GLMN: variants seen among roughly 807,000 people sequenced by gnomAD.
GLMN encodes glomulin.
A neutral mutation model predicts 87.8 loss-of-function variants in GLMN; 75 were observed. The ratio of observed to expected loss-of-function variants is 0.85; its 90% CI spans 0.71 to 1.04. GLMN has a LOEUF of 1.04. GLMN is among the 50% of genes least tolerant of loss of function. The pLI, the probability that GLMN is intolerant of heterozygous loss-of-function variation, is 0.00. For synonymous variants in GLMN, 206 were observed against 221.6 expected (o/e 0.93, Z 0.63); for missense variants, 588 against 658.8 (o/e 0.89, Z 1.18).
At chr1:92,293,031 T>C (rs976681664) in intron 3 of GLMN, among the ~76,000 whole-genome samples, 17 of 151,558 alleles carry the variant, frequency 1.1e-4, no homozygotes, top group African/African-American at 4.1e-4. Flanking sequence ...CAAAAAAATA[T>C]ATAAATAATG....
At chr1:92,359,845 C>G in the GLMN span, among the ~76,000 whole-genome samples, 5 of 152,230 alleles carry the variant, frequency 3.3e-5, no homozygotes, top group African/African-American at 1.2e-4. Flanking sequence ...TGGGACAGAA[C>G]TTTGTGGGAC....
the GLMN span, among the ~76,000 whole-genome samples, chr1:92,305,540 A>ATTTCTATATTAAAATGTAAAACT: frequency 1.3e-5 from 2 of 151,460 alleles, no homozygotes; most frequent in Non-Finnish European, 2.9e-5. Flanking sequence ...ACTGATAAAC[A>ATTTCTATATTAAAATGTAAAACT]TTTCTATATT....
the GLMN span, among the ~76,000 whole-genome samples, chr1:92,354,431 C>G: frequency 1.3e-5 from 2 of 152,174 alleles, no homozygotes; most frequent in Non-Finnish European, 2.9e-5. Flanking sequence ...CTGTCACAAA[C>G]AGGAATTAGA....
At chr1:92,306,069 A>G in the GLMN span, among the ~76,000 whole-genome samples, 2 of 152,236 alleles carry the variant, frequency 1.3e-5, no homozygotes, top group African/African-American at 4.8e-5. Flanking sequence ...ATTCTGACAC[A>G]TGCTACAAGG....
chr1:92,284,358 C>G (rs1381796918), intron 7 of GLMN, among the ~76,000 whole-genome samples: 1 of 152,116 alleles, frequency 6.6e-6, no homozygotes, highest in Non-Finnish European at 1.5e-5. Flanking sequence ...CTGACAAAAA[C>G]AAGCAATGGG....
the GLMN span, among the ~76,000 whole-genome samples, chr1:92,316,426 A>G: frequency 5.3e-5 from 8 of 152,208 alleles, no homozygotes; most frequent in Non-Finnish European, 7.3e-5. Context: ...TGGTTTACAT[A>G]TAACATACAT....
chr1:92,272,216 G>C (rs1277351888), intron 7 of GLMN, among the ~76,000 whole-genome samples: 1 of 152,196 alleles, frequency 6.6e-6, no homozygotes, highest in Non-Finnish European at 1.5e-5. Flanking sequence ...TAAGACTACA[G>C]ACCCAGTCAA....
At chr1:92,318,608 A>G in the GLMN span, among the ~76,000 whole-genome samples, 1 of 152,160 alleles carries the variant, frequency 6.6e-6, no homozygotes, top group Non-Finnish European at 1.5e-5. Flanking sequence ...ATCCAGCAGA[A>G]ACTCCTTCAA....
chr1:92,297,563 A>C (rs777569701), intron 2 of GLMN, 34 bp from the exon 3 acceptor site: 40 of 1,502,564 alleles, frequency 2.7e-5, no homozygotes, highest in Non-Finnish European at 3.5e-5. Flanking sequence ...AAAAACAAAC[A>C]AAAAAAAGTA....
chr1:92,323,784 T>C, the GLMN span: 1 of 1,613,984 alleles, frequency 6.2e-7, no homozygotes, highest in Non-Finnish European at 8.5e-7. Flanking sequence ...ATGCTACATG[T>C]GAACTTCCTT....
chr1:92,298,133 TG>T, intron 1 of GLMN, 104 bp from the exon 2 acceptor site: 1 of 640,386 alleles, frequency 1.6e-6, no homozygotes, highest in Admixed American at 2.8e-5. Flanking sequence ...ATAAAGAAAA[TG>T]GAAAGTTTTT....
intron 3 of GLMN, among the ~76,000 whole-genome samples, chr1:92,294,493 C>G (rs1649798319): frequency 6.6e-6 from 1 of 152,114 alleles, no homozygotes; most frequent in African/African-American, 2.4e-5. Flanking sequence ...ATGAGATTAA[C>G]AATAACTACA....
the GLMN span, among the ~76,000 whole-genome samples, chr1:92,325,405 C>T: frequency 1.3e-5 from 2 of 152,064 alleles, no homozygotes; most frequent in African/African-American, 4.8e-5. Flanking sequence ...TCTTATTAGA[C>T]ATCATCCAAA....
chr1:92,299,149 A>G (rs1375954947), upstream of GLMN: 5 of 1,503,328 alleles, frequency 3.3e-6, no homozygotes, highest in East Asian at 2.6e-5. Context: ...AGCCGCAGGT[A>G]GGAGCAAGGA....
intron 16 of GLMN, among the ~76,000 whole-genome samples, chr1:92,250,571 T>A (rs1367861689): frequency 3.9e-5 from 6 of 152,228 alleles, no homozygotes; most frequent in African/African-American, 1.4e-4. Flanking sequence ...TTGCCATGAC[T>A]CTCAGTAAAA....
At chr1:92,335,405 T>A in the GLMN span, among the ~76,000 whole-genome samples, 1 of 152,128 alleles carries the variant, frequency 6.6e-6, no homozygotes, top group Non-Finnish European at 1.5e-5. Context: ...AAAAATAAAG[T>A]AACACATACT....
chr1:92,331,641 G>A, the GLMN span, among the ~76,000 whole-genome samples: 381 of 152,122 alleles, frequency 2.5e-3, 3 homozygotes, highest in South Asian at 8.9e-3. Context: ...CTTATGTTCT[G>A]TTATTGGATA....
At chr1:92,262,037 G>C (rs938610204) in intron 16 of GLMN, among the ~76,000 whole-genome samples, 8 of 152,170 alleles carry the variant, frequency 5.3e-5, no homozygotes, top group Admixed American at 5.2e-4. Flanking sequence ...TTCAGCTGAA[G>C]AGGGATGAAC....
intron 16 of GLMN, among the ~76,000 whole-genome samples, chr1:92,256,121 C>A (rs1414446522): frequency 6.6e-6 from 1 of 152,060 alleles, no homozygotes; most frequent in African/African-American, 2.4e-5. Context: ...ACTATAAACA[C>A]CTCTATGCAA....
Sources: allele counts gnomAD v4.1 joint callset (sites outside exome capture counted in the v4.1 genomes callset), GRCh38; gene constraint gnomAD v4.1.1; transcripts MANE v1.5; gene names NCBI Gene and HGNC (gene_info 2026-07-23, HGNC 2026-07-21).